Variants in GRM1 observed in about 807,000 individuals in gnomAD.
GRM1 encodes glutamate metabotropic receptor 1.
Under a neutral mutation model 90.9 loss-of-function variants are expected in GRM1, and 33 were observed. The observed-to-expected ratio is 0.36, with a 90% CI of 0.28 to 0.49. The LOEUF is 0.49. GRM1 is among the 20% of genes least tolerant of loss of function. The pLI is 0.99. For missense variants in GRM1, 1,190 were observed against 1,534.3 expected (o/e 0.78, Z 3.75); for synonymous variants, 700 against 613.2 (o/e 1.14, Z -2.09).
chr6:146,271,890 G>A (rs150656052), intron 2 of GRM1, among the ~76,000 whole-genome samples: 36 of 152,274 alleles, frequency 2.4e-4, no homozygotes, highest in African/African-American at 5.5e-4. Context: ...TATCTCTAAC[G>A]TCTGGTAGTC....
chr6:146,181,703 G>A (rs977429265), intron 2 of GRM1, among the ~76,000 whole-genome samples: 5 of 151,954 alleles, frequency 3.3e-5, no homozygotes, highest in African/African-American at 7.2e-5. Context: ...CCTTTCTTTC[G>A]AATAACTAGC....
chr6:146,117,797 T>C (rs912957203), intron 1 of GRM1, among the ~76,000 whole-genome samples: 2 of 152,116 alleles, frequency 1.3e-5, no homozygotes, highest in East Asian at 3.8e-4. Context: ...AACATATTTA[T>C]TTTCCTTTCC....
chr6:146,362,929 G>A (rs1405437500), intron 5 of GRM1, among the ~76,000 whole-genome samples: 3 of 152,116 alleles, frequency 2.0e-5, no homozygotes, highest in South Asian at 2.1e-4. Context: ...CCTAAGATAC[G>A]CTTAAAAATG....
chr6:146,409,620 G>A (rs1777486712), intron 7 of GRM1, among the ~76,000 whole-genome samples: 1 of 152,026 alleles, frequency 6.6e-6, no homozygotes, highest in Non-Finnish European at 1.5e-5. Context: ...TTAGGACATT[G>A]TCTTCTGAGT....
intron 3 of GRM1, among the ~76,000 whole-genome samples, chr6:146,343,134 T>C (rs557195891): frequency 2.6e-5 from 4 of 152,294 alleles, no homozygotes; most frequent in Non-Finnish European, 5.9e-5. Context: ...TTTTGTAGAA[T>C]GTCCCTAAGT....
chr6:146,239,798 G>C (rs910506962), intron 2 of GRM1, among the ~76,000 whole-genome samples: 5 of 152,084 alleles, frequency 3.3e-5, no homozygotes, highest in Non-Finnish European at 7.4e-5. Flanking sequence ...TATAACTTTT[G>C]AGTGACAGTT....
chr6:146,386,691 A>T (rs1399772333), intron 5 of GRM1, among the ~76,000 whole-genome samples, 199 bp from the exon 6 acceptor site: 1 of 152,114 alleles, frequency 6.6e-6, no homozygotes, highest in Non-Finnish European at 1.5e-5. Context: ...CCCAGCATGG[A>T]ATGAATTGAC....
chr6:146,317,191 C>T (rs1784006337), intron 3 of GRM1, among the ~76,000 whole-genome samples: 1 of 152,140 alleles, frequency 6.6e-6, no homozygotes, highest in Non-Finnish European at 1.5e-5. Context: ...TGATATGGTT[C>T]TTGCCATTAA....
intron 2 of GRM1, among the ~76,000 whole-genome samples, chr6:146,226,304 T>C: frequency 6.6e-6 from 1 of 152,088 alleles, no homozygotes; most frequent in East Asian, 1.9e-4. Flanking sequence ...GGTAGGCATG[T>C]TGCAATTTCA....
At chr6:146,125,158 C>T (rs545231423) in intron 1 of GRM1, among the ~76,000 whole-genome samples, 3 of 152,134 alleles carry the variant, frequency 2.0e-5, no homozygotes, top group Admixed American at 2.0e-4. Context: ...AAGCTTGAAA[C>T]TATTTGCACG....
At position 146,044,767 on chromosome 6, in the gene GRM1, TGAAAA is replaced by T. The variant is rs140590687; in HGVS notation, c.700+14555_700+14559del. On this transcript the variant is annotated intron_variant, in intron 1 of 7. Coordinates refer to ENST00000282753, the MANE Select transcript of GRM1 (RefSeq NM_001278064.2). ...GCCATTTTAAAAGTAAAATCTTACT[TGAAAA>T]GAAACTGCCTCTTAAAAATGAAAAA... Among the ~76,000 whole-genome samples, 608 of 152,082 alleles carry T rather than the reference TGAAAA, an allele frequency of 4.0e-3. 16 individuals are homozygous for T. The East Asian group carries it at 0.071, about 18-fold the overall frequency.
intron 1 of GRM1, among the ~76,000 whole-genome samples, chr6:146,155,748 A>G (rs887120264): frequency 6.6e-6 from 1 of 152,108 alleles, no homozygotes. Context: ...GAACCTTCCA[A>G]TTTCTCCAAC....
intron 2 of GRM1, among the ~76,000 whole-genome samples, chr6:146,224,890 C>T (rs1460693418): frequency 1.3e-5 from 2 of 152,084 alleles, no homozygotes; most frequent in African/African-American, 4.8e-5. Flanking sequence ...AGTATCAATC[C>T]TCTGTAAAGC....
At chr6:146,062,617 A>G (rs1775714558) in intron 1 of GRM1, among the ~76,000 whole-genome samples, 1 of 151,968 alleles carries the variant, frequency 6.6e-6, no homozygotes, top group Non-Finnish European at 1.5e-5. Context: ...TACTGTGCAT[A>G]TATCTTTTAA....
intron 2 of GRM1, among the ~76,000 whole-genome samples, chr6:146,187,038 G>T (rs962839103): frequency 3.3e-5 from 5 of 152,106 alleles, no homozygotes; most frequent in Non-Finnish European, 5.9e-5. Flanking sequence ...AAGAAGAAAT[G>T]CAATATTACT....
chr6:146,163,290 A>G (rs939647801), intron 2 of GRM1, among the ~76,000 whole-genome samples: 5 of 152,180 alleles, frequency 3.3e-5, no homozygotes, highest in African/African-American at 1.2e-4. Context: ...TCTTGTCTCT[A>G]TGAAAGCTTT....
At chr6:146,359,947 G>A (rs1775401360) in intron 5 of GRM1, among the ~76,000 whole-genome samples, 1 of 151,688 alleles carries the variant, frequency 6.6e-6, no homozygotes, top group Non-Finnish European at 1.5e-5. Flanking sequence ...GGGGATGTTT[G>A]TTTTGTTTCT....
intron 4 of GRM1, among the ~76,000 whole-genome samples, chr6:146,354,669 C>T (rs553349915): frequency 6.6e-6 from 1 of 152,248 alleles, no homozygotes; most frequent in East Asian, 1.9e-4. Flanking sequence ...GTCATACCAT[C>T]GTTCATGCTT....
chr6:146,190,963 C>A (rs1047761518), intron 2 of GRM1, among the ~76,000 whole-genome samples: 1 of 152,156 alleles, frequency 6.6e-6, no homozygotes, highest in Non-Finnish European at 1.5e-5. Context: ...GTATTCATAG[C>A]TCCTTAAGAT....
Sources: gnomAD v4.1 joint callset for allele counts (sites outside exome capture counted in the v4.1 genomes callset) on GRCh38, gnomAD v4.1.1 for gene constraint, MANE v1.5 for transcripts, NCBI Gene and HGNC (gene_info 2026-07-23, HGNC 2026-07-21) for gene names.